ATAD2: variants seen among roughly 807,000 people sequenced by gnomAD.
ATAD2 encodes the protein ATPase family AAA domain containing 2.
Under a neutral mutation model 168.9 loss-of-function variants are expected in ATAD2, and 62 were observed. That is an observed-to-expected ratio of 0.37 (90% CI 0.30 to 0.45). The LOEUF (loss-of-function observed/expected upper bound fraction) is 0.45. ATAD2 is among the 20% of genes least tolerant of loss of function. ATAD2 has a pLI of 1.00. For missense variants in ATAD2, 1,419 were observed against 1,667.8 expected (o/e 0.85, Z 2.60); for synonymous variants, 613 against 571.6 (o/e 1.07, Z -1.03).
chr8:123,325,209 T>A (rs930504001), intron 26 of ATAD2, among the ~76,000 whole-genome samples: 9 of 150,870 alleles, frequency 6.0e-5, no homozygotes, highest in Admixed American at 2.0e-4. Context: ...GATTCTCCTG[T>A]CTCAGCCTCC....
chr8:123,338,623 G>A (rs1271093588), intron 20 of ATAD2, among the ~76,000 whole-genome samples: 3 of 152,178 alleles, frequency 2.0e-5, no homozygotes, highest in Admixed American at 2.0e-4. Flanking sequence ...ATATCATTGT[G>A]ATGCCATATT....
intron 1 of ATAD2, among the ~76,000 whole-genome samples, chr8:123,408,059 G>A (rs1422914368): frequency 6.6e-6 from 1 of 151,964 alleles, no homozygotes; most frequent in Admixed American, 6.6e-5. Context: ...ATTTGGACTG[G>A]GATTTCTTTT....
At chr8:123,380,890 A>G in intron 1 of ATAD2, 1 of 527,536 alleles carries the variant, frequency 1.9e-6, no homozygotes, top group Non-Finnish European at 3.3e-6. Context: ...CTAATATAAG[A>G]TTTACTGGTT....
chr8:123,404,853 A>G (rs1477817792), intron 1 of ATAD2, among the ~76,000 whole-genome samples: 1 of 152,118 alleles, frequency 6.6e-6, no homozygotes, highest in Non-Finnish European at 1.5e-5. Context: ...CCTTTCTCTC[A>G]TAAGGACGTC....
At chr8:123,324,540 G>A (rs1247067077) in intron 26 of ATAD2, among the ~76,000 whole-genome samples, 1 of 152,180 alleles carries the variant, frequency 6.6e-6, no homozygotes, top group Non-Finnish European at 1.5e-5. Flanking sequence ...GTGTGTCAGG[G>A]TGTGGGGTTC....
chr8:123,415,999 T>A (rs574594517), intron 1 of ATAD2, among the ~76,000 whole-genome samples: 1 of 152,202 alleles, frequency 6.6e-6, no homozygotes, highest in South Asian at 2.1e-4. Context: ...TTTAAACTTT[T>A]TTTTTTCAAA....
chr8:123,325,099 CT>C (rs761145398), intron 26 of ATAD2, among the ~76,000 whole-genome samples: 1,177 of 114,998 alleles, frequency 0.01, 9 homozygotes, highest in African/African-American at 0.035. Flanking sequence ...AGTAATAATT[CT>C]TTTTTTTTTT....
intron 6 of ATAD2, 63 bp from the exon 7 acceptor site, chr8:123,370,087 T>C (rs1285219918): frequency 5.5e-6 from 8 of 1,463,366 alleles, no homozygotes; most frequent in East Asian, 2.3e-5. Flanking sequence ...ATTTTTAACA[T>C]AGGTGAGTTG....
intron 2 of ATAD2, among the ~76,000 whole-genome samples, chr8:123,376,785 C>T (rs1188384925): frequency 1.3e-5 from 2 of 151,212 alleles, no homozygotes; most frequent in East Asian, 2.0e-4. Flanking sequence ...GGTGAGACTC[C>T]ATCTCTACAA....
At chr8:123,405,729 A>T (rs1813059951) in intron 1 of ATAD2, among the ~76,000 whole-genome samples, 1 of 152,202 alleles carries the variant, frequency 6.6e-6, no homozygotes, top group Non-Finnish European at 1.5e-5. Context: ...TACATAAAGA[A>T]CTTCCTCTCT....
chr8:123,355,835 G>A (rs902881635), intron 13 of ATAD2, among the ~76,000 whole-genome samples: 4 of 152,166 alleles, frequency 2.6e-5, no homozygotes, highest in Middle Eastern at 3.4e-3. Context: ...TCACTGACCC[G>A]CAGACATTTG....
At chr8:123,338,140 A>AG (rs1236553633) in intron 20 of ATAD2, among the ~76,000 whole-genome samples, 1 of 152,150 alleles carries the variant, frequency 6.6e-6, no homozygotes, top group Non-Finnish European at 1.5e-5. Context: ...GTGGATCACC[A>AG]GGTCAGGAGA....
chr8:123,389,984 A>ATT lies in ATAD2; in HGVS notation c.171+6201_171+6202dup, dbSNP rs577381945. Among the ~76,000 whole-genome samples the ATT allele has an allele frequency of 6.1e-3, 699 of 115,122 alleles. 12 individuals are homozygous for ATT. The highest frequency in any genetic ancestry group is 0.029 in the African/African-American group (663 of 22,958). 75.5% of individuals were successfully genotyped at this position (115,122 alleles called of 152,430 possible). ...TTTATATATATATATATATATATATATTTTTTTTTTTTTAGACAGAGTCTT... is the reference window on the plus strand; with the variant it reads ...TTTATATATATATATATATATATATATTTTTTTTTTTTTTTAGACAGAGTCTT... On this transcript the variant is annotated intron_variant, in intron 1 of 27. Transcript: ENST00000287394.
chr8:123,402,053 GC>G lies in ATAD2; in HGVS notation c.-2281-879del. ...CAAGTTTGAGAAGCGTACCATGTCG[GC>G]CCAGATTGAGGGTGGCGTCCATGGC... On this transcript the variant is annotated intron_variant, in intron 1 of 28. Transcript: ENST00000521903. The surrounding 1 kb of genome is among the most constrained non-coding windows in gnomAD (Gnocchi z 4.8). 1.3e-6 allele frequency: 2 copies of G among 1,506,676 alleles called. No homozygotes were observed. Among genetic ancestry groups the G allele is most frequent in the Non-Finnish European group, 1.8e-6 (2 of 1,087,984 alleles). The allele number at this position is 1,506,676 out of a possible 1,614,324, so 93.3% of individuals were successfully genotyped here.
At chr8:123,355,737 C>G (rs1828621329) in intron 13 of ATAD2, among the ~76,000 whole-genome samples, 2 of 152,128 alleles carry the variant, frequency 1.3e-5, no homozygotes, top group East Asian at 1.9e-4. Flanking sequence ...AGTAACAGGT[C>G]AGAGATAAAA....
At chr8:123,382,696 C>A (rs1475088424) in intron 1 of ATAD2, among the ~76,000 whole-genome samples, 1 of 152,154 alleles carries the variant, frequency 6.6e-6, no homozygotes, top group Non-Finnish European at 1.5e-5. Context: ...AGTCAAGAAA[C>A]AACAGATGCT....
rs754367294 is a variant in ATAD2 at position 123,346,792 on chromosome 8, C to G, written c.2213-42G>C. 1.3e-5 allele frequency: 19 copies of G among 1,517,422 alleles called. No homozygotes were observed. In the South Asian group the frequency reaches 2.0e-4, roughly 16 times the overall value. 94.0% of individuals were successfully genotyped at this position (1,517,422 alleles called of 1,614,324 possible). ...TTGTACATTAGTAACTTTTGGATTG[C>G]AAAGCAAATCTTTATTGCTTCAGTT... On this transcript the variant is annotated intron_variant, in intron 16 of 27. Coordinates refer to ENST00000287394, the MANE Select transcript of ATAD2 (RefSeq NM_014109.4).
At chr8:123,378,528 C>A (rs1399681733) in intron 2 of ATAD2, among the ~76,000 whole-genome samples, 1 of 151,600 alleles carries the variant, frequency 6.6e-6, no homozygotes, top group African/African-American at 2.4e-5. Flanking sequence ...ATGGCGAAAC[C>A]CCATCTCTAC....
At chr8:123,346,535 A>G (rs1263456950) in intron 17 of ATAD2, 83 bp downstream of exon 17, 15 of 1,290,446 alleles carry the variant, frequency 1.2e-5, no homozygotes, top group Non-Finnish European at 1.6e-5. Context: ...ATTGGTTAGC[A>G]CTTTTTATTT....
Sources: allele counts gnomAD v4.1 joint callset (sites outside exome capture counted in the v4.1 genomes callset), GRCh38; gene constraint gnomAD v4.1.1; non-coding constraint Gnocchi (gnomAD v3.1); transcripts MANE v1.5; gene names NCBI Gene and HGNC (gene_info 2026-07-23, HGNC 2026-07-21).